Variants in WWOX observed in about 807,000 individuals in gnomAD.
The protein encoded by WWOX is WW domain containing oxidoreductase.
Under a neutral mutation model 46.2 loss-of-function variants are expected in WWOX, and 69 were observed. The ratio of observed to expected loss-of-function variants is 1.49; its 90% CI spans 1.23 to 1.82. WWOX has a LOEUF of 1.82. WWOX is among the 40% of genes most tolerant of loss of function. WWOX has a pLI of 0.00. For synonymous variants in WWOX, 359 were observed against 202.6 expected (o/e 1.77, Z -6.56); for missense variants, 919 against 542.6 (o/e 1.69, Z -6.89).
chr16:79,071,743 A>G (rs1292533379), intron 8 of WWOX, among the ~76,000 whole-genome samples: 1 of 152,214 alleles, frequency 6.6e-6, no homozygotes, highest in Non-Finnish European at 1.5e-5. Flanking sequence ...TGCTTCAAGT[A>G]ATTGATCTGT....
intron 8 of WWOX, among the ~76,000 whole-genome samples, chr16:79,165,260 A>G (rs1375743975): frequency 1.3e-5 from 2 of 152,054 alleles, no homozygotes; most frequent in Non-Finnish European, 2.9e-5. Flanking sequence ...GCATCCAATG[A>G]CCTTGCCATT....
At chr16:78,498,611 G>T (rs1597169667) in intron 8 of WWOX, among the ~76,000 whole-genome samples, 1 of 150,760 alleles carries the variant, frequency 6.6e-6, no homozygotes, top group African/African-American at 2.4e-5. Flanking sequence ...TTCATGGCAA[G>T]AAAAATTCAG....
intron 5 of WWOX, among the ~76,000 whole-genome samples, chr16:78,269,985 T>G (rs528517474): frequency 2.6e-5 from 4 of 151,058 alleles, no homozygotes; most frequent in African/African-American, 9.7e-5. Flanking sequence ...CATTTACAAA[T>G]TGGTTTCTGT....
intron 8 of WWOX, among the ~76,000 whole-genome samples, chr16:78,937,495 G>T (rs2151288768): frequency 1.8e-5 from 2 of 113,054 alleles, no homozygotes; most frequent in Middle Eastern, 0.017. Flanking sequence ...GGGTTTCACT[G>T]TGTTGCCCAG....
At chr16:78,399,024 A>G (rs1175695899) in intron 6 of WWOX, among the ~76,000 whole-genome samples, 2 of 147,486 alleles carry the variant, frequency 1.4e-5, no homozygotes, top group East Asian at 3.9e-4. Flanking sequence ...GGCTGGCTAG[A>G]TGGATAGAAA....
chr16:78,303,700 A>G (rs1038047938), intron 5 of WWOX, among the ~76,000 whole-genome samples: 1 of 152,122 alleles, frequency 6.6e-6, no homozygotes, highest in Admixed American at 6.5e-5. Flanking sequence ...ATGCGCCACC[A>G]TGCCCAGCTA....
chr16:78,985,244 G>A (rs867978512), intron 8 of WWOX, among the ~76,000 whole-genome samples: 1 of 152,206 alleles, frequency 6.6e-6, no homozygotes, highest in African/African-American at 2.4e-5. Context: ...GGGTTTTACA[G>A]GCACAAACGC....
At chr16:79,130,466 G>A (rs1014447531) in intron 8 of WWOX, among the ~76,000 whole-genome samples, 1 of 152,170 alleles carries the variant, frequency 6.6e-6, no homozygotes. Flanking sequence ...AACAGGGTTA[G>A]TAAAGGCCTC....
In WWOX at chr16:79,150,688, G is replaced by A. The variant is rs146597873; in HGVS notation, c.1057-60920G>A. On this transcript the variant is annotated intron_variant, in intron 8 of 8. Transcript: ENST00000566780. Reference sequence around the variant, plus strand: ...CTTTTTCTTGAGATGGTGTCACGTCGTTGCCCAGGCCACCGTTTATGTTGT... The same window carrying A: ...CTTTTTCTTGAGATGGTGTCACGTCATTGCCCAGGCCACCGTTTATGTTGT... 3.5e-3 allele frequency among the ~76,000 whole-genome samples: 538 copies of A among 152,156 alleles called. 3 individuals are homozygous for A. Among genetic ancestry groups the A allele is most frequent in the Middle Eastern group, 0.01 (3 of 294 alleles).
intron 8 of WWOX, among the ~76,000 whole-genome samples, chr16:78,603,071 C>T (rs774773634): frequency 6.6e-6 from 1 of 152,202 alleles, no homozygotes; most frequent in South Asian, 2.1e-4. Context: ...GTACTAACTG[C>T]AATCAGATGT....
chr16:78,850,314 C>T (rs2052410300), intron 8 of WWOX, among the ~76,000 whole-genome samples: 1 of 152,088 alleles, frequency 6.6e-6, no homozygotes, highest in Non-Finnish European at 1.5e-5. Context: ...TTTTTCGCCT[C>T]CATAATATTA....
intron 8 of WWOX, among the ~76,000 whole-genome samples, chr16:78,862,310 G>A (rs751726981): frequency 6.6e-6 from 1 of 150,510 alleles, no homozygotes; most frequent in Non-Finnish European, 1.5e-5. Context: ...ACACACCTAT[G>A]GGTGTGTCTT....
At chr16:79,186,129 G>A (rs1322816560) in intron 8 of WWOX, among the ~76,000 whole-genome samples, 2 of 152,268 alleles carry the variant, frequency 1.3e-5, no homozygotes, top group East Asian at 3.9e-4. Flanking sequence ...ATGGTCATAT[G>A]TTCCTAAAGG....
chr16:78,161,390 C>T (rs2034788325), intron 4 of WWOX, among the ~76,000 whole-genome samples: 1 of 151,912 alleles, frequency 6.6e-6, no homozygotes, highest in Non-Finnish European at 1.5e-5. Flanking sequence ...CTTTCTTTCT[C>T]TTTTTTCTTT....
At position 78,681,358 on chromosome 16, in the gene WWOX, C is replaced by A. The variant is rs1388893515; in HGVS notation, c.1056+248606C>A. Among the ~76,000 whole-genome samples, 7 of 152,178 alleles carry A rather than the reference C, an allele frequency of 4.6e-5. No homozygotes were observed. The East Asian group carries it at 1.4e-3, about 29-fold the overall frequency. On this transcript the variant is annotated intron_variant, in intron 8 of 8. Transcript: ENST00000566780. Reference sequence around the variant, plus strand: ...GGTAGAGGCTGCAGTGAGCTATGATCTTGCCACTATACATCAGTCTGGGTG... The same window carrying A: ...GGTAGAGGCTGCAGTGAGCTATGATATTGCCACTATACATCAGTCTGGGTG...
chr16:78,706,058 GTTTTTT>G (rs3051058), intron 8 of WWOX, among the ~76,000 whole-genome samples: 10 of 106,428 alleles, frequency 9.4e-5, no homozygotes, highest in African/African-American at 1.4e-4. Context: ...GTTATGGCAG[GTTTTTT>G]TTTTTTTTTT....
At chr16:79,113,730 G>A (rs572776261) in intron 8 of WWOX, among the ~76,000 whole-genome samples, 4 of 152,148 alleles carry the variant, frequency 2.6e-5, no homozygotes, top group Non-Finnish European at 2.9e-5. Flanking sequence ...CTGAGGGCTC[G>A]GATGGAGCCA....
intron 8 of WWOX, among the ~76,000 whole-genome samples, chr16:79,208,557 T>G (rs1353796836): frequency 6.6e-6 from 1 of 152,226 alleles, no homozygotes; most frequent in Non-Finnish European, 1.5e-5. Context: ...TTTCATCTTT[T>G]CTGCATTATG....
chr16:79,106,693 T>TGGGCTCAAGCAACTCTC (rs1168668128), intron 8 of WWOX: 1 of 147,762 alleles, frequency 6.8e-6, no homozygotes, highest in Non-Finnish European at 1.5e-5. Flanking sequence ...CTCAAACTCT[T>TGGGCTCAAGCAACTCTC]GGGCTCAAGC....
Sources: gnomAD v4.1 joint callset for allele counts (sites outside exome capture counted in the v4.1 genomes callset) on GRCh38, gnomAD v4.1.1 for gene constraint, MANE v1.5 for transcripts, NCBI Gene and HGNC (gene_info 2026-07-23, HGNC 2026-07-21) for gene names.